GRHL2: variants seen among roughly 807,000 people sequenced by gnomAD.
GRHL2 encodes grainyhead-like protein 2 homolog.
Under a neutral mutation model 83.8 loss-of-function variants are expected in GRHL2, and 21 were observed. The observed-to-expected ratio is 0.25, with a 90% CI of 0.18 to 0.36. The LOEUF is 0.36. GRHL2 is among the 10% of genes least tolerant of loss of function. The pLI, the probability that GRHL2 is intolerant of heterozygous loss-of-function variation, is 1.00. For synonymous variants in GRHL2, 280 were observed against 278.9 expected (o/e 1.00, Z -0.04); for missense variants, 623 against 781.8 (o/e 0.80, Z 2.42).
intron 14 of GRHL2, among the ~76,000 whole-genome samples, chr8:101,656,028 G>A (rs188741437): frequency 5.3e-5 from 8 of 152,262 alleles, no homozygotes; most frequent in African/African-American, 7.2e-5. Context: ...CTTCCAGGCC[G>A]CTGCTCACAT....
At chr8:101,664,224 GCTA>G (rs1446081308) in intron 14 of GRHL2, among the ~76,000 whole-genome samples, 18 of 152,266 alleles carry the variant, frequency 1.2e-4, no homozygotes, top group Admixed American at 1.3e-4. Flanking sequence ...GACCTGGAAC[GCTA>G]CTTTTATCAT....
chr8:101,608,770 CACACA>C (rs1311760813), intron 8 of GRHL2, among the ~76,000 whole-genome samples: 4 of 128,338 alleles, frequency 3.1e-5, no homozygotes, highest in African/African-American at 1.3e-4. Flanking sequence ...CACACACACA[CACACA>C]CACCTACACC....
intron 14 of GRHL2, among the ~76,000 whole-genome samples, chr8:101,650,898 T>C (rs1813609251): frequency 6.6e-6 from 1 of 152,150 alleles, no homozygotes; most frequent in Non-Finnish European, 1.5e-5. Flanking sequence ...CTGTGATCTG[T>C]TATTAACAAG....
Position 101,543,849 on chromosome 8 carries a change from C to T in GRHL2, c.216+413C>T, listed in dbSNP as rs681403. ...CATACTGGAGACTGAGAAGAAAAAG[C>T]GGTTTAATTGGACTTACAGTTCCAC... On this transcript the variant is annotated intron_variant, in intron 2 of 15. Transcript: ENST00000646743. The T allele has an allele frequency of 2.9e-3, 648 of 223,692 alleles. 6 individuals carry two copies. The highest frequency in any genetic ancestry group is 4.0e-3 in the Admixed American group (76 of 18,780). 13.9% of individuals were successfully genotyped at this position (223,692 alleles called of 1,614,324 possible).
chr8:101,586,112 G>A (rs1470092363), intron 7 of GRHL2, among the ~76,000 whole-genome samples: 2 of 112,064 alleles, frequency 1.8e-5, no homozygotes, highest in Non-Finnish European at 1.8e-5. Context: ...TCGCTCTGTC[G>A]CCCAGGTGGG....
chr8:101,665,594 CTTA>C (rs1429488989), intron 15 of GRHL2, among the ~76,000 whole-genome samples: 1 of 152,188 alleles, frequency 6.6e-6, no homozygotes, highest in Non-Finnish European at 1.5e-5. Context: ...GTCTCACAGT[CTTA>C]TTGCCGAGCA....
rs1812503707 is a variant in GRHL2 at position 101,601,178 on chromosome 8, A to C, written c.1098+2027A>C. On this transcript the variant is annotated intron_variant, in intron 8 of 15. Transcript: ENST00000646743. Reference sequence around the variant, plus strand: ...GTCTTAAACACACACACACACACACACACACACACACCCCACCACCACCAC... The same window carrying C: ...GTCTTAAACACACACACACACACACCCACACACACACCCCACCACCACCAC... Among the ~76,000 whole-genome samples the C allele has an allele frequency of 1.3e-4, 19 of 147,060 alleles. No individual in the cohort carries two copies. In the South Asian group the frequency reaches 3.5e-3, roughly 27 times the overall value.
rs141688378 is a variant in GRHL2 at position 101,521,530 on chromosome 8, ATTC to A, written c.21-21706_21-21704del. Among the ~76,000 whole-genome samples the A allele has an allele frequency of 5.6e-3, 855 of 152,238 alleles. 12 individuals carry two copies. Among genetic ancestry groups the A allele is most frequent in the African/African-American group, 0.02 (811 of 41,540 alleles). ...ACACTCGTCACATCTGCAGTTGTAT[ATTC>A]TTCTGTCAGAGCTTCACCAGGGCAG... is the stretch of plus-strand genomic sequence containing the variant. On this transcript the variant is annotated intron_variant, in intron 1 of 15. Transcript: ENST00000646743.
intron 1 of GRHL2, among the ~76,000 whole-genome samples, chr8:101,512,747 G>A (rs1462141767): frequency 6.6e-6 from 1 of 152,200 alleles, no homozygotes; most frequent in African/African-American, 2.4e-5. Context: ...GGCAGAGGAT[G>A]CTTTCAGTAT....
intron 1 of GRHL2, among the ~76,000 whole-genome samples, chr8:101,519,321 G>A (rs118155626): frequency 4.6e-5 from 7 of 151,872 alleles, no homozygotes; most frequent in African/African-American, 1.7e-4. Context: ...ACTGTACTTG[G>A]CCCTTCATTG....
At chr8:101,573,640 T>G in intron 5 of GRHL2, 28 bp from the exon 6 acceptor site, 1 of 1,613,900 alleles carries the variant, frequency 6.2e-7, no homozygotes. Context: ...AGTGAGTGGA[T>G]CTGACCGCTG....
chr8:101,605,049 A>C (rs1022846270), intron 8 of GRHL2, among the ~76,000 whole-genome samples: 8 of 152,334 alleles, frequency 5.3e-5, no homozygotes, highest in South Asian at 4.1e-4. Context: ...CCAGAGCATC[A>C]GCAAATGTTC....
chr8:101,495,539 A>G (rs979111535), intron 1 of GRHL2, among the ~76,000 whole-genome samples: 1 of 152,236 alleles, frequency 6.6e-6, no homozygotes. Context: ...AAGCATGTGT[A>G]CAAGTGAAGC....
At chr8:101,522,290 A>G (rs1316457845) in intron 1 of GRHL2, among the ~76,000 whole-genome samples, 1 of 152,190 alleles carries the variant, frequency 6.6e-6, no homozygotes, top group African/African-American at 2.4e-5. Flanking sequence ...AATAACAATA[A>G]TAACAATAAA....
chr8:101,557,293 C>T (rs543616891), intron 3 of GRHL2, among the ~76,000 whole-genome samples: 15 of 143,146 alleles, frequency 1.0e-4, no homozygotes, highest in African/African-American at 3.6e-4. Flanking sequence ...GGTGTGATCT[C>T]GACTCACTGC....
intron 2 of GRHL2, among the ~76,000 whole-genome samples, chr8:101,547,939 G>T (rs1811298879): frequency 6.6e-6 from 1 of 152,198 alleles, no homozygotes; most frequent in Admixed American, 6.5e-5. Context: ...AGAAAAATGT[G>T]ACAGATTCAA....
intron 8 of GRHL2, among the ~76,000 whole-genome samples, chr8:101,604,115 A>C (rs1812577939): frequency 6.6e-6 from 1 of 151,288 alleles, no homozygotes; most frequent in South Asian, 2.1e-4. Context: ...GATCCCATCC[A>C]TATGATCCCA....
chr8:101,620,866 G>A (rs1812951217), intron 9 of GRHL2, among the ~76,000 whole-genome samples: 1 of 151,868 alleles, frequency 6.6e-6, no homozygotes, highest in African/African-American at 2.4e-5. Context: ...AAATGTTTTA[G>A]GCTCTATGAA....
intron 13 of GRHL2, among the ~76,000 whole-genome samples, chr8:101,648,583 C>T (rs755493573): frequency 1.3e-5 from 2 of 152,094 alleles, no homozygotes; most frequent in Non-Finnish European, 2.9e-5. Context: ...GACCAAGGCT[C>T]GGAGAGTTTA....
Sources: allele counts gnomAD v4.1 joint callset (sites outside exome capture counted in the v4.1 genomes callset), GRCh38; gene constraint gnomAD v4.1.1; transcripts MANE v1.5; gene names NCBI Gene and HGNC (gene_info 2026-07-23, HGNC 2026-07-21).